Variants in AFDN observed in about 807,000 individuals in gnomAD.
AFDN encodes the protein afadin.
Under a neutral mutation model 216.6 loss-of-function variants are expected in AFDN, and 68 were observed. The observed-to-expected ratio is 0.31, with a 90% CI of 0.26 to 0.38. The LOEUF is 0.38. AFDN is among the 10% of genes least tolerant of loss of function. AFDN has a pLI of 1.00. For synonymous variants in AFDN, 868 were observed against 853.7 expected (o/e 1.02, Z -0.29); for missense variants, 2,136 against 2,342.0 (o/e 0.91, Z 1.82).
At chr6:167,911,632 G>A in intron 15 of AFDN, 143 bp downstream of exon 15, 2 of 736,250 alleles carry the variant, frequency 2.7e-6, no homozygotes. Context: ...GTAGGAAAAT[G>A]TATAACTTTA....
intron 10 of AFDN, 61 bp from the exon 11 acceptor site, chr6:167,898,144 T>G (rs928902155): frequency 1.3e-6 from 2 of 1,576,418 alleles, no homozygotes; most frequent in Middle Eastern, 1.7e-4. Flanking sequence ...GTTTTAACAT[T>G]CTGTGTTTAA....
chr6:167,916,982 C>T lies in AFDN; in HGVS notation c.2566-107C>T, dbSNP rs1791159823. 10 of 1,007,758 alleles carry T rather than the reference C, an allele frequency of 9.9e-6. No homozygotes were observed. The South Asian group carries it at 1.6e-4, about 16-fold the overall frequency. The allele number at this position is 1,007,758 out of a possible 1,614,324, so 62.4% of individuals were successfully genotyped here. On this transcript the variant is annotated intron_variant, in intron 19 of 33. Transcript: ENST00000683244. ...TGTTTCCTGAAATCATTCTGCATTTCAAAGTTAAATTAGCAAGTTATATTT... is the reference window on the plus strand; with the variant it reads ...TGTTTCCTGAAATCATTCTGCATTTTAAAGTTAAATTAGCAAGTTATATTT...
At chr6:167,897,003 T>G (rs758105874) in intron 10 of AFDN, 31 bp downstream of exon 10, 4 of 1,325,188 alleles carry the variant, frequency 3.0e-6, no homozygotes, top group Non-Finnish European at 4.4e-6. Flanking sequence ...GCTGCAACTC[T>G]GACATTCCAG....
chr6:167,885,417 TCTTC>T (rs1786667612), intron 6 of AFDN, among the ~76,000 whole-genome samples: 1 of 152,208 alleles, frequency 6.6e-6, no homozygotes, highest in Non-Finnish European at 1.5e-5. Flanking sequence ...GATGTGCAGC[TCTTC>T]CTTTCACTTA....
intron 1 of AFDN, among the ~76,000 whole-genome samples, chr6:167,847,863 AT>A (rs35846790): frequency 4.0e-5 from 6 of 151,290 alleles, no homozygotes; most frequent in Non-Finnish European, 8.9e-5. Flanking sequence ...AGACTCCCCA[AT>A]TTTTTTTTAA....
At chr6:167,918,967 G>A (rs370409895) in intron 21 of AFDN, 34 bp downstream of exon 21, 11 of 1,571,372 alleles carry the variant, frequency 7.0e-6, no homozygotes, top group African/African-American at 6.8e-5. Context: ...TCTGAGCTAC[G>A]CCCCAGGTTG....
chr6:167,909,536 A>T (rs1790128445), intron 13 of AFDN, among the ~76,000 whole-genome samples: 1 of 152,156 alleles, frequency 6.6e-6, no homozygotes, highest in South Asian at 2.1e-4. Flanking sequence ...TGGACCAGCA[A>T]TTCCAAATAC....
rs752945508 is a variant in AFDN, at chr6:167,943,490, T to G, written c.3239+15T>G. 6.2e-7 allele frequency: 1 copy of G among 1,603,084 alleles called. No homozygotes were observed. Among genetic ancestry groups the G allele is most frequent in the South Asian group, 1.1e-5 (1 of 90,842 alleles). Reference sequence around the variant, plus strand: ...TCTCAGGAAAGGTATCATTGATTTATTTGCTTGAAGCATAGTATTAGCATT... The same window carrying G: ...TCTCAGGAAAGGTATCATTGATTTAGTTGCTTGAAGCATAGTATTAGCATT... On this transcript the variant is annotated intron_variant, in intron 25 of 33. Transcript: ENST00000683244.
chr6:167,830,519 T>C (rs1779710193), intron 1 of AFDN, among the ~76,000 whole-genome samples: 1 of 152,268 alleles, frequency 6.6e-6, no homozygotes, highest in Admixed American at 6.5e-5. Flanking sequence ...TGAGTATTTA[T>C]GTTTTCATGT....
intron 23 of AFDN, among the ~76,000 whole-genome samples, chr6:167,939,687 T>C (rs1285022132): frequency 6.6e-6 from 1 of 152,218 alleles, no homozygotes; most frequent in East Asian, 1.9e-4. Flanking sequence ...ATTAAAGTTA[T>C]TCATGAATCA....
At chr6:167,958,416 A>C (rs1796724723) in intron 30 of AFDN, among the ~76,000 whole-genome samples, 1 of 152,220 alleles carries the variant, frequency 6.6e-6, no homozygotes. Flanking sequence ...TGCCCTTTCT[A>C]GGACACAAAA....
At chr6:167,828,205 T>C (rs1779422059) in intron 1 of AFDN, among the ~76,000 whole-genome samples, 1 of 152,256 alleles carries the variant, frequency 6.6e-6, no homozygotes, top group African/African-American at 2.4e-5. Context: ...TGATTTGTTG[T>C]AATAGGTAAT....
chr6:167,911,218 A>G (rs938764826), intron 14 of AFDN, 56 bp downstream of exon 14: 2 of 1,602,844 alleles, frequency 1.2e-6, no homozygotes, highest in East Asian at 2.2e-5. Flanking sequence ...ATTTTACTCC[A>G]TCTGATTTTC....
chr6:167,931,367 A>G (rs977623030), intron 23 of AFDN, among the ~76,000 whole-genome samples: 13 of 152,164 alleles, frequency 8.5e-5, no homozygotes, highest in South Asian at 2.1e-4. Flanking sequence ...ATGCCTGTTC[A>G]GGTGAGTGAA....
At chr6:167,964,895 C>CT (rs551078427) in intron 31 of AFDN, 13 of 1,063,476 alleles carry the variant, frequency 1.2e-5, no homozygotes, top group Non-Finnish European at 1.4e-5. Context: ...TTTTGTCAAT[C>CT]TTTAACAAAA....
chr6:167,861,311 T>A (rs981525110), intron 1 of AFDN, among the ~76,000 whole-genome samples: 4 of 152,260 alleles, frequency 2.6e-5, no homozygotes, highest in Non-Finnish European at 5.9e-5. Context: ...AATTAATATT[T>A]ATTAACATGT....
chr6:167,863,222 G>A (rs1783792757), intron 1 of AFDN, among the ~76,000 whole-genome samples: 1 of 152,216 alleles, frequency 6.6e-6, no homozygotes. Flanking sequence ...ACATGCTGAA[G>A]TGTATCATGC....
chr6:167,827,352 C>CT (rs1554273581), intron 1 of AFDN, 115 bp downstream of exon 1: 1 of 179,116 alleles, frequency 5.6e-6, no homozygotes, highest in Non-Finnish European at 1.0e-5. Context: ...CCCCTCCCCC[C>CT]TCCGCCCCTT....
Position 167,962,062 on chromosome 6 carries a change from C to T in AFDN, c.4834-371C>T, listed in dbSNP as rs748040704. Reference sequence around the variant, plus strand: ...AAAGGAGGTGTTTCAGTGTGTTCTGCAGGTCCATCAAGTGGGGCCTGTTTG... The same window carrying T: ...AAAGGAGGTGTTTCAGTGTGTTCTGTAGGTCCATCAAGTGGGGCCTGTTTG... On this transcript the variant is annotated intron_variant, in intron 30 of 33. Coordinates refer to ENST00000683244, the MANE Select transcript of AFDN (RefSeq NM_001386888.1). The surrounding 1 kb of genome is among the most constrained non-coding windows in gnomAD (Gnocchi z 5.2). Among the ~76,000 whole-genome samples the T allele has an allele frequency of 6.6e-6, 1 of 152,164 alleles. No homozygotes were observed. The highest frequency in any genetic ancestry group is 1.5e-5 in the Non-Finnish European group (1 of 68,016).
Sources: allele counts gnomAD v4.1 joint callset (sites outside exome capture counted in the v4.1 genomes callset), GRCh38; gene constraint gnomAD v4.1.1; non-coding constraint Gnocchi (gnomAD v3.1); transcripts MANE v1.5; gene names NCBI Gene and HGNC (gene_info 2026-07-23, HGNC 2026-07-21).